Variants in RANBP2 observed in about 807,000 individuals in gnomAD.
RANBP2 encodes the protein E3 SUMO-protein ligase RanBP2.
RANBP2 carries 57 observed loss-of-function variants against 303.6 expected under a neutral mutation model. That is an observed-to-expected ratio of 0.19 (90% CI 0.15 to 0.23). The LOEUF (loss-of-function observed/expected upper bound fraction) is 0.23, where lower values mean the gene tolerates loss of function less well. Among genes scored for constraint, RANBP2 ranks in the 10% least tolerant of loss-of-function variants. RANBP2 has a pLI of 1.00. For missense variants in RANBP2, 3,138 were observed against 3,780.8 expected, an observed-to-expected ratio of 0.83 and a Z score of 4.46; for synonymous variants, 1,167 against 1,301.5, an observed-to-expected ratio of 0.90 and a Z score of 2.23.
intron 15 of RANBP2, among the ~76,000 whole-genome samples, chr2:108,754,324 G>A (rs1356296298): frequency 6.6e-6 from 1 of 151,424 alleles, no homozygotes; most frequent in African/African-American, 2.5e-5. Context: ...AGTTGTTGCT[G>A]ACAACTTAAG....
chr2:109,540,516 C>G, the RANBP2 span, among the ~76,000 whole-genome samples: 2 of 152,088 alleles, frequency 1.3e-5, no homozygotes, highest in African/African-American at 4.8e-5. Flanking sequence ...TTTTGGCCTT[C>G]AAGTTCTCTT....
the RANBP2 span, among the ~76,000 whole-genome samples, chr2:109,632,148 C>A: frequency 6.6e-6 from 1 of 152,292 alleles, no homozygotes; most frequent in African/African-American, 2.4e-5. Flanking sequence ...TGTGCCAGGA[C>A]GTGATGTGCC....
chr2:109,202,343 C>T, the RANBP2 span, among the ~76,000 whole-genome samples: 3 of 152,170 alleles, frequency 2.0e-5, no homozygotes, highest in African/African-American at 4.8e-5. Context: ...GAGTGTGTCT[C>T]GGCTGCTTTG....
the RANBP2 span, among the ~76,000 whole-genome samples, chr2:109,099,505 T>TGGCGAACAGCAAGGC: frequency 6.6e-6 from 1 of 152,158 alleles, no homozygotes; most frequent in Non-Finnish European, 1.5e-5. Context: ...GTTAGCAAGG[T>TGGCGAACAGCAAGGC]GGCGTACAGC....
At chr2:108,814,578 A>G in the RANBP2 span, among the ~76,000 whole-genome samples, 1 of 151,838 alleles carries the variant, frequency 6.6e-6, no homozygotes, top group South Asian at 2.1e-4. Flanking sequence ...GTGGATTGCC[A>G]TCGGCTTAAT....
chr2:109,036,395 T>C, the RANBP2 span, among the ~76,000 whole-genome samples: 1 of 152,142 alleles, frequency 6.6e-6, no homozygotes, highest in African/African-American at 2.4e-5. Context: ...GAAAAGAAAG[T>C]TATAGACCAC....
chr2:109,669,450 A>G, the RANBP2 span, among the ~76,000 whole-genome samples: 1 of 152,222 alleles, frequency 6.6e-6, no homozygotes, highest in Non-Finnish European at 1.5e-5. Flanking sequence ...ACCAGAATAT[A>G]TAATAAGCTC....
chr2:109,424,259 C>T, the RANBP2 span, among the ~76,000 whole-genome samples: 2 of 152,214 alleles, frequency 1.3e-5, no homozygotes, highest in East Asian at 3.9e-4. Flanking sequence ...TTCAGGCTGC[C>T]CTTTGAAGGG....
chr2:109,325,268 C>A, the RANBP2 span, among the ~76,000 whole-genome samples: 1 of 149,840 alleles, frequency 6.7e-6, no homozygotes. Flanking sequence ...GCCAAGAAAT[C>A]GTAGAATCCC....
At chr2:109,503,222 CA>C in the RANBP2 span, 1 of 152,216 alleles carries the variant, frequency 6.6e-6, no homozygotes, top group African/African-American at 2.4e-5. Flanking sequence ...TATATTTTTA[CA>C]AATACCATTC....
chr2:109,574,338 TGG>T, the RANBP2 span, among the ~76,000 whole-genome samples: 1 of 148,816 alleles, frequency 6.7e-6, no homozygotes, highest in Non-Finnish European at 1.5e-5. Flanking sequence ...CCCAGCTACC[TGG>T]GAAGCTGAGG....
At chr2:109,046,209 CAGA>C in the RANBP2 span, among the ~76,000 whole-genome samples, 8 of 149,604 alleles carry the variant, frequency 5.3e-5, no homozygotes, top group Non-Finnish European at 1.0e-4. Flanking sequence ...GAGGCTGAGG[CAGA>C]AGAATTGCTT....
the RANBP2 span, among the ~76,000 whole-genome samples, chr2:108,835,361 TA>T: frequency 6.6e-6 from 1 of 152,168 alleles, no homozygotes; most frequent in South Asian, 2.1e-4. Flanking sequence ...GCTCAAAAAT[TA>T]AAAAAAATTC....
the RANBP2 span, among the ~76,000 whole-genome samples, chr2:109,281,457 G>A: frequency 1.3e-5 from 2 of 152,196 alleles, no homozygotes; most frequent in Non-Finnish European, 2.9e-5. Context: ...CACACGCACA[G>A]CACGTGTACT....
chr2:109,545,838 T>C, the RANBP2 span: 2 of 1,435,606 alleles, frequency 1.4e-6, no homozygotes, highest in African/African-American at 1.4e-5. Flanking sequence ...TGGCAAATAC[T>C]GAACACATAA....
At chr2:109,082,138 G>A in the RANBP2 span, among the ~76,000 whole-genome samples, 6 of 152,192 alleles carry the variant, frequency 3.9e-5, no homozygotes. Context: ...AACCAGATGT[G>A]TGCAGCTAAT....
intron 18 of RANBP2, among the ~76,000 whole-genome samples, chr2:108,760,345 A>T (rs1676639431): frequency 6.6e-6 from 1 of 152,136 alleles, no homozygotes; most frequent in African/African-American, 2.4e-5. Flanking sequence ...CTGTTTTTTA[A>T]ATGTTACTTT....
chr2:109,350,343 A>T, the RANBP2 span, among the ~76,000 whole-genome samples: 1 of 152,184 alleles, frequency 6.6e-6, no homozygotes, highest in African/African-American at 2.4e-5. Flanking sequence ...GACGGCTCCC[A>T]CAGCAGACAA....
At chr2:109,220,386 C>T in the RANBP2 span, among the ~76,000 whole-genome samples, 2 of 152,144 alleles carry the variant, frequency 1.3e-5, no homozygotes, top group African/African-American at 2.4e-5. Flanking sequence ...TTGAGTGTGA[C>T]ACCAAAAGCA....
Sources: allele counts gnomAD v4.1 joint callset (sites outside exome capture counted in the v4.1 genomes callset), GRCh38; gene constraint gnomAD v4.1.1; transcripts MANE v1.5; gene names NCBI Gene and HGNC (gene_info 2026-07-23, HGNC 2026-07-21).